SLC4A8: variants seen among roughly 807,000 people sequenced by gnomAD.
The protein encoded by SLC4A8 is solute carrier family 4 member 8.
In SLC4A8, 40 loss-of-function variants were observed where a neutral mutation model predicts 125.0. The observed-to-expected ratio is 0.32, with a 90% CI of 0.25 to 0.42. SLC4A8 has a LOEUF of 0.42. Among genes scored for constraint, SLC4A8 ranks in the 10% least tolerant of loss-of-function variants. SLC4A8 has a pLI of 1.00. For missense variants in SLC4A8, 863 were observed against 1,355.1 expected (o/e 0.64, Z 5.70); for synonymous variants, 456 against 476.0 (o/e 0.96, Z 0.55).
At chr12:51,475,584 A>G (rs1212549163) in intron 16 of SLC4A8, among the ~76,000 whole-genome samples, 1 of 152,196 alleles carries the variant, frequency 6.6e-6, no homozygotes. Flanking sequence ...GACCTTGGAT[A>G]CTTTAGGGGA....
chr12:51,420,321 C>T (rs1948761400), upstream of SLC4A8: 1 of 152,176 alleles, frequency 6.6e-6, no homozygotes, highest in Non-Finnish European at 1.5e-5. Flanking sequence ...GCTCTTTGGA[C>T]AGTTCACATA....
chr12:51,438,342 CT>C (rs1217472507), intron 1 of SLC4A8, among the ~76,000 whole-genome samples: 1 of 152,150 alleles, frequency 6.6e-6, no homozygotes, highest in Non-Finnish European at 1.5e-5. Context: ...CTGAGATCAA[CT>C]TTTTTTAGCT....
intron 14 of SLC4A8, 143 bp downstream of exon 14, chr12:51,471,675 A>G (rs1360426497): frequency 2.3e-6 from 2 of 877,930 alleles, no homozygotes; most frequent in East Asian, 2.4e-5. Flanking sequence ...ACAGACAAGG[A>G]GTATTGGAGG....
At chr12:51,394,420 G>C (rs1948220621) in intron 1 of SLC4A8, among the ~76,000 whole-genome samples, 1 of 152,244 alleles carries the variant, frequency 6.6e-6, no homozygotes, top group Non-Finnish European at 1.5e-5. Context: ...TAACAGGAAG[G>C]ACGGTGCAGG....
intron 1 of SLC4A8, among the ~76,000 whole-genome samples, chr12:51,396,375 G>A (rs1484341710): frequency 6.6e-6 from 1 of 152,196 alleles, no homozygotes; most frequent in East Asian, 1.9e-4. Context: ...AAATGACTAT[G>A]AAGGAGCAGG....
chr12:51,467,263 C>T (rs1325664975), intron 11 of SLC4A8: 2 of 152,108 alleles, frequency 1.3e-5, no homozygotes, highest in Non-Finnish European at 2.9e-5. Context: ...TAGGCTAGAC[C>T]ATGTAGATAG....
intron 17 of SLC4A8, among the ~76,000 whole-genome samples, chr12:51,488,430 G>C (rs1296191477): frequency 6.6e-6 from 1 of 152,064 alleles, no homozygotes; most frequent in Non-Finnish European, 1.5e-5. Context: ...TGTGCCAAGG[G>C]GGTTTCAGCA....
Position 51,504,023 on chromosome 12 carries a change from T to C in SLC4A8, c.3082-6T>C. ...CAAGATATAATAATGTTTCTTTTTC[T>C]TCCAGGAGGCTGAGAAAATGTTAGA... On this transcript the variant is annotated splice_polypyrimidine_tract_variant and splice_region_variant and intron_variant, in intron 22 of 24. Transcript: ENST00000453097. 6.5e-7 allele frequency: 1 copy of C among 1,543,332 alleles called. No individual in the cohort carries two copies. The highest frequency in any genetic ancestry group is 8.8e-7 in the Non-Finnish European group (1 of 1,131,656).
At position 51,489,943 on chromosome 12, in the gene SLC4A8, A is replaced by C. The variant is rs12318785; in HGVS notation, c.2692A>C (p.Ile898Leu). The change falls in exon 19 of 25, where the codon ATC becomes CTC. Residue 898 changes from isoleucine to leucine, a missense_variant. Coordinates refer to ENST00000453097, the MANE Select transcript of SLC4A8 (RefSeq NM_001039960.3). ...GGGCTGCTCAGTCTTCATGACGGCT[A>C]TCTTAAAGGTAATCATCCTTTCAGT... ...LMGCSVFMTA[I>L]LKFIPMPVLY... 2 of 1,613,986 alleles carry C rather than the reference A, an allele frequency of 1.2e-6. No individual in the cohort carries two copies. Among genetic ancestry groups the C allele is most frequent in the African/African-American group, 1.3e-5 (1 of 74,936 alleles).
At chr12:51,456,458 T>C (rs1950152406) in intron 5 of SLC4A8, among the ~76,000 whole-genome samples, 1 of 152,234 alleles carries the variant, frequency 6.6e-6, no homozygotes, top group Non-Finnish European at 1.5e-5. Context: ...GTAAAAGTGC[T>C]ATGATTCTTC....
intron 7 of SLC4A8, among the ~76,000 whole-genome samples, chr12:51,459,396 G>T (rs1399799264): frequency 6.6e-6 from 1 of 152,044 alleles, no homozygotes; most frequent in Admixed American, 6.6e-5. Context: ...TACCTTAAAA[G>T]CTCTGTGGTC....
chr12:51,496,505 C>G lies in SLC4A8; in HGVS notation c.2944-482C>G, dbSNP rs549843249. 3.9e-4 allele frequency among the ~76,000 whole-genome samples: 60 copies of G among 152,282 alleles called. 1 individual carries two copies. In the South Asian group the frequency reaches 0.012, roughly 31 times the overall value. On this transcript the variant is annotated intron_variant, in intron 21 of 24. Coordinates refer to ENST00000453097, the MANE Select transcript of SLC4A8 (RefSeq NM_001039960.3). ...CCAGGCCAGAGGGCAAAGACAAAAA[C>G]CACTAGAGACAAATGATGCAGGCCC... is the stretch of plus-strand genomic sequence containing the variant.
intron 1 of SLC4A8, among the ~76,000 whole-genome samples, chr12:51,398,015 C>T (rs1948297726): frequency 6.6e-6 from 1 of 152,066 alleles, no homozygotes; most frequent in South Asian, 2.1e-4. Context: ...CTCAAGTGAT[C>T]CACCCACCTC....
At chr12:51,414,146 A>G (rs1373973530) in intron 1 of SLC4A8, among the ~76,000 whole-genome samples, 1 of 150,650 alleles carries the variant, frequency 6.6e-6, no homozygotes, top group Non-Finnish European at 1.5e-5. Context: ...CTCCTTGGTT[A>G]AATTTATTCC....
At chr12:51,424,627 C>T (rs1368871890), upstream of SLC4A8, 2 of 269,610 alleles carry the variant, frequency 7.4e-6, no homozygotes, top group East Asian at 7.4e-5. Flanking sequence ...GATTTTCTAG[C>T]AAGCAGTTGG....
chr12:51,424,059 AAAACAAC>A (rs1948873504), upstream of SLC4A8, among the ~76,000 whole-genome samples: 2 of 66,096 alleles, frequency 3.0e-5, no homozygotes, highest in Admixed American at 1.6e-4. Context: ...AAAAACAAAA[AAAACAAC>A]AAAAAAAAAA....
Position 51,509,429 on chromosome 12 carries a change from G to A in SLC4A8, c.*1991G>A, listed in dbSNP as rs1938287102. 1 of 152,234 alleles carries A rather than the reference G, an allele frequency of 6.6e-6. No individual in the cohort carries two copies. Among genetic ancestry groups the A allele is most frequent in the South Asian group, 2.1e-4 (1 of 4,834 alleles). 9.4% of individuals were successfully genotyped at this position (152,234 alleles called of 1,614,324 possible). On this transcript the variant is annotated 3_prime_UTR_variant, in exon 25 of 25. Coordinates refer to ENST00000453097, the MANE Select transcript of SLC4A8 (RefSeq NM_001039960.3). ...GAATTAAAAGGCAGCCCATCTGGAG[G>A]ATAAGCTTTCTTGCAGACTTTTCCC...
chr12:51,453,465 C>T, intron 4 of SLC4A8, 74 bp from the exon 5 acceptor site: 1 of 1,457,164 alleles, frequency 6.9e-7, no homozygotes, highest in Non-Finnish European at 9.5e-7. Flanking sequence ...TCCTCTGTGG[C>T]TCACATCGAA....
intron 16 of SLC4A8, chr12:51,480,369 G>A (rs7133321): frequency 0.94 from 1,096,694 of 1,163,296 alleles, 517,231 homozygotes; most frequent in Non-Finnish European, 0.95. Flanking sequence ...TCTAGAATGT[G>A]CTGCTTAATT....
Sources: allele counts gnomAD v4.1 joint callset (sites outside exome capture counted in the v4.1 genomes callset), GRCh38; gene constraint gnomAD v4.1.1; transcripts MANE v1.5; gene names NCBI Gene and HGNC (gene_info 2026-07-23, HGNC 2026-07-21).